The following CDIPT variants were observed in gnomAD, a reference collection of about 807,000 sequenced individuals.
CDIPT encodes CDP-diacylglycerol--inositol 3-phosphatidyltransferase, also known as PI synthase.
In CDIPT, 17 loss-of-function variants were observed where a neutral mutation model predicts 21.6. The observed-to-expected ratio is 0.79, with a 90% CI of 0.54 to 1.18. The LOEUF (loss-of-function observed/expected upper bound fraction) is 1.18. CDIPT is among the 50% of genes most tolerant of loss of function. The pLI, the probability that CDIPT is intolerant of heterozygous loss-of-function variation, is 0.00. For synonymous variants in CDIPT, 119 were observed against 117.9 expected, an observed-to-expected ratio of 1.01 and a Z score of -0.06; for missense variants, 254 against 284.9, an observed-to-expected ratio of 0.89 and a Z score of 0.78.
At chr16:29,861,684 G>A in intron 2 of CDIPT, 1 of 606,724 alleles carries the variant, frequency 1.6e-6, no homozygotes, top group Non-Finnish European at 2.9e-6. Flanking sequence ...CTTATGCAGG[G>A]CACACAGTAG....
chr16:29,860,760 C>T (rs1035616354), intron 3 of CDIPT, 98 bp from the exon 4 acceptor site: 21 of 752,058 alleles, frequency 2.8e-5, no homozygotes, highest in East Asian at 1.9e-4. Context: ...AAACTGGGCA[C>T]GGCTAAGGAC....
chr16:29,860,600 C>T lies in CDIPT; in HGVS notation c.395G>A (p.Arg132Gln), dbSNP rs753162397. ...GCTTACCCTCGAGGTGTAGTAGATC[C>T]GAAGCACCGGATTCCCGGACAAGTC... The part of the protein sequence containing the change: ...MIDLSGNPVL[R>Q]IYYTSRPALF... Residue 132 changes from arginine (R) to glutamine (Q), a missense_variant, in exon 4 of 6, where the codon CGG (arginine) becomes CAG (glutamine). Physicochemically the swap from Arg to Gln is conservative, Grantham distance 43. Coordinates refer to ENST00000219789, the MANE Select transcript of CDIPT (RefSeq NM_006319.5). 8.1e-6 allele frequency: 13 copies of T among 1,611,404 alleles called. No individual in the cohort carries two copies. In the South Asian group the frequency reaches 9.9e-5, roughly 12 times the overall value.
rs1237952810 is a variant in CDIPT at position 29,858,401 on chromosome 16, TTCAAGTTGG to T, written c.*779_*787del. 1 of 151,944 alleles carries T rather than the reference TTCAAGTTGG, an allele frequency of 6.6e-6. No homozygotes were observed. Among genetic ancestry groups the T allele is most frequent in the African/African-American group, 2.4e-5 (1 of 41,328 alleles). 9.4% of individuals were successfully genotyped at this position (151,944 alleles called of 1,614,324 possible). On this transcript the variant is annotated 3_prime_UTR_variant, in exon 6 of 6. Coordinates refer to ENST00000219789, the MANE Select transcript of CDIPT (RefSeq NM_006319.5). ...TATTAAGCAGCTACTATATGCCAGG[TTCAAGTTGG>T]TCTTACTCTAGGGATAGAGAAGAGA...
rs779808293 is a variant in CDIPT at position 29,861,273 on chromosome 16, T to C, written c.179-14A>G. 5 of 1,613,836 alleles carry C rather than the reference T, an allele frequency of 3.1e-6. No individual in the cohort carries two copies. Among genetic ancestry groups the C allele is most frequent in the East Asian group, 2.2e-5 (1 of 44,880 alleles). Reference sequence around the variant, plus strand: ...CAAACCGGGTTCCTGGAAGATTAGGTGGGCAAGGGCTGTTATGGCACAGTG... The same window carrying C: ...CAAACCGGGTTCCTGGAAGATTAGGCGGGCAAGGGCTGTTATGGCACAGTG... On this transcript the variant is annotated splice_polypyrimidine_tract_variant and intron_variant, in intron 2 of 5. Coordinates refer to ENST00000219789, the MANE Select transcript of CDIPT (RefSeq NM_006319.5).
chr16:29,859,717 C>G lies in CDIPT; in HGVS notation c.415-194G>C, dbSNP rs2067664456. Among the ~76,000 whole-genome samples, 1 of 152,102 alleles carries G rather than the reference C, an allele frequency of 6.6e-6. No homozygotes were observed. On this transcript the variant is annotated intron_variant, in intron 4 of 5. Coordinates refer to ENST00000219789, the MANE Select transcript of CDIPT (RefSeq NM_006319.5). The surrounding 1 kb of genome is among the most constrained non-coding windows in gnomAD (Gnocchi z 4.5). ...TCATAGCACTGCAGCCTCAAAACTC[C>G]TGGTCTCAGCCAGGCGTGTGGCTCA... is the stretch of plus-strand genomic sequence containing the variant.
In CDIPT at chr16:29,858,385, G is replaced by C. The variant is rs913429314; in HGVS notation, c.*804C>G. The C allele has an allele frequency of 2.6e-5, 4 of 152,070 alleles. No homozygotes were observed. Among genetic ancestry groups the C allele is most frequent in the Non-Finnish European group, 4.4e-5 (3 of 68,010 alleles). 9.4% of individuals were successfully genotyped at this position (152,070 alleles called of 1,614,324 possible). A position where few individuals can be genotyped will look rare whatever the true frequency, so the allele number is the denominator to read the frequency against. ...TTGACAGACGAGTATTTATTAAGCAGCTACTATATGCCAGGTTCAAGTTGG... is the reference window on the plus strand; with the variant it reads ...TTGACAGACGAGTATTTATTAAGCACCTACTATATGCCAGGTTCAAGTTGG... On this transcript the variant is annotated 3_prime_UTR_variant, in exon 6 of 6. Transcript: ENST00000219789.
rs2067650856 is a variant in CDIPT, at chr16:29,858,560, T to C, written c.*629A>G. On this transcript the variant is annotated 3_prime_UTR_variant, in exon 6 of 6. Coordinates refer to ENST00000219789, the MANE Select transcript of CDIPT (RefSeq NM_006319.5). ...GGGCGGTGGGGACACCACATGAGCATGGGTGGCAGGAGGGCCTCTCTGTGA... is the reference window on the plus strand; with the variant it reads ...GGGCGGTGGGGACACCACATGAGCACGGGTGGCAGGAGGGCCTCTCTGTGA... 6.5e-6 allele frequency: 1 copy of C among 153,610 alleles called. No individual in the cohort carries two copies. Among genetic ancestry groups the C allele is most frequent in the African/African-American group, 2.4e-5 (1 of 41,416 alleles). 9.5% of individuals were successfully genotyped at this position (153,610 alleles called of 1,614,324 possible).
At chr16:29,860,543 C>G (rs778955484) in intron 4 of CDIPT, 38 bp downstream of exon 4, 3 of 1,392,392 alleles carry the variant, frequency 2.2e-6, no homozygotes, top group Non-Finnish European at 2.0e-6. Flanking sequence ...TTCCCACAGC[C>G]AAGAGCCTGA....
intron 2 of CDIPT, chr16:29,861,700 C>T (rs1567402734): frequency 1.7e-6 from 1 of 594,374 alleles, no homozygotes; most frequent in African/African-American, 1.9e-5. Flanking sequence ...AGTAGGCCTC[C>T]AGTAAACACC....
chr16:29,859,401 G>T lies in CDIPT; in HGVS notation c.496+41C>A, dbSNP rs1178116507. 1.3e-6 allele frequency: 2 copies of T among 1,597,732 alleles called. No individual in the cohort carries two copies. Among genetic ancestry groups the T allele is most frequent in the South Asian group, 2.2e-5 (2 of 89,454 alleles). ...GGCCTCCATCTCCCTGGGCAGGCCA[G>T]ATCCCCCTCCCATCCTCCTGCCCAG... On this transcript the variant is annotated intron_variant, in intron 5 of 5. Transcript: ENST00000219789. The surrounding 1 kb of genome is among the most constrained non-coding windows in gnomAD (Gnocchi z 4.5).
rs770031505 is a variant in CDIPT, at chr16:29,859,362, G to A, written c.497-28C>T. 6.1e-5 allele frequency: 96 copies of A among 1,572,276 alleles called. No individual in the cohort carries two copies. Among genetic ancestry groups the A allele is most frequent in the Non-Finnish European group, 7.6e-5 (88 of 1,158,104 alleles). On this transcript the variant is annotated intron_variant, in intron 5 of 5. Coordinates refer to ENST00000219789, the MANE Select transcript of CDIPT (RefSeq NM_006319.5). The surrounding 1 kb of genome is among the most constrained non-coding windows in gnomAD (Gnocchi z 4.5). The stretch of plus-strand genomic sequence containing the variant: ...GCAGGAAGGCAGCAGGGGAGTTTGG[G>A]GCCCGAAGGAGGGGGCCTCCATCTC...
chr16:29,859,121 G>A lies in CDIPT; in HGVS notation c.*68C>T. The A allele has an allele frequency of 6.6e-7, 1 of 1,510,618 alleles. No homozygotes were observed. Among genetic ancestry groups the A allele is most frequent in the African/African-American group, 1.4e-5 (1 of 73,240 alleles). The allele number at this position is 1,510,618 out of a possible 1,614,324, so 93.6% of individuals were successfully genotyped here. A position where few individuals can be genotyped will look rare whatever the true frequency, so the allele number is the denominator to read the frequency against. On this transcript the variant is annotated 3_prime_UTR_variant, in exon 6 of 6. Coordinates refer to ENST00000219789, the MANE Select transcript of CDIPT (RefSeq NM_006319.5). The surrounding 1 kb of genome is among the most constrained non-coding windows in gnomAD (Gnocchi z 4.5). ...GTGAGACTGGGACCTCCTAGCAGGG[G>A]GTGGGGAGCTGTGTGGCACAGCAAG...
rs1196636723 is a variant in CDIPT, at chr16:29,863,066, G to A, written c.-209C>T. ...GGTGCGCGGGACGCAGGGGGCGCGC[G>A]CAGTCCGCCCTTCCTACCCGCAACC... On this transcript the variant is annotated 5_prime_UTR_variant, in exon 1 of 6. Coordinates refer to ENST00000219789, the MANE Select transcript of CDIPT (RefSeq NM_006319.5). 8.2e-6 allele frequency: 5 copies of A among 613,204 alleles called. No homozygotes were observed. The highest frequency in any genetic ancestry group is 1.1e-5 in the Non-Finnish European group (4 of 352,322). 38.0% of individuals were successfully genotyped at this position (613,204 alleles called of 1,614,324 possible). A position where few individuals can be genotyped will look rare whatever the true frequency, so the allele number is the denominator to read the frequency against.
At position 29,860,616 on chromosome 16, in the gene CDIPT, C is replaced by T. The variant is rs750555293; in HGVS notation, c.379G>A (p.Gly127Arg). The change falls in exon 4 of 6, where the codon GGG becomes AGG. Residue 127 changes from glycine (G) to arginine (R), a missense_variant. Physicochemically the swap from Gly to Arg is moderately radical, Grantham distance 125. Transcript: ENST00000219789. ...TAGTAGATCCGAAGCACCGGATTCC[C>T]GGACAAGTCGATCATCTTGTGACTC... ...SESHKMIDLSGNPVLRIYYTS... is the reference protein window; with the variant it reads ...SESHKMIDLSRNPVLRIYYTS... 12 of 1,612,910 alleles carry T rather than the reference C, an allele frequency of 7.4e-6. No homozygotes were observed. Among genetic ancestry groups the T allele is most frequent in the Non-Finnish European group, 8.5e-6 (10 of 1,179,214 alleles).
chr16:29,861,644 C>A, intron 2 of CDIPT: 1 of 719,386 alleles, frequency 1.4e-6, no homozygotes, highest in Admixed American at 2.8e-5. Context: ...TCCATCCTCC[C>A]TCTAAGCATG....
rs1164328686 is a variant in CDIPT at position 29,859,574 on chromosome 16, C to A, written c.415-51G>T. The A allele has an allele frequency of 2.5e-6, 3 of 1,196,970 alleles. No individual in the cohort carries two copies. The highest frequency in any genetic ancestry group is 1.5e-5 in the African/African-American group (1 of 66,934). The allele number at this position is 1,196,970 out of a possible 1,614,324, so 74.1% of individuals were successfully genotyped here. Reference sequence around the variant, plus strand: ...TTAGCAAGAGGCAGGCGTGTGCCACCCCCTGCCCCCCCAGCACTAATGAAG... The same window carrying A: ...TTAGCAAGAGGCAGGCGTGTGCCACACCCTGCCCCCCCAGCACTAATGAAG... On this transcript the variant is annotated intron_variant, in intron 4 of 5. Coordinates refer to ENST00000219789, the MANE Select transcript of CDIPT (RefSeq NM_006319.5). This position sits in a 1 kb window ranked among gnomAD's most constrained non-coding sequence, Gnocchi z 4.5.
rs2067687441 is a variant in CDIPT at position 29,862,011 on chromosome 16, G to T, written c.178+575C>A. On this transcript the variant is annotated intron_variant, in intron 2 of 5. Transcript: ENST00000219789. The surrounding 1 kb of genome is among the most constrained non-coding windows in gnomAD (Gnocchi z 6.7). ...CTCCCAAAGTGCTGGGATTACAGGC[G>T]TGAGCCACCGCCCCTGGCCTGAATG... 6.6e-6 allele frequency among the ~76,000 whole-genome samples: 1 copy of T among 152,176 alleles called. No homozygotes were observed. The highest frequency in any genetic ancestry group is 1.5e-5 in the Non-Finnish European group (1 of 68,032).
At chr16:29,861,077 T>C (rs769085347) in intron 3 of CDIPT, 29 bp downstream of exon 3, 5 of 1,613,096 alleles carry the variant, frequency 3.1e-6, no homozygotes, top group Non-Finnish European at 4.2e-6. Context: ...TGTCTCCAAG[T>C]GGCCCAGGCC....
In CDIPT at chr16:29,859,247, A is replaced by T; in HGVS notation, c.584T>A (p.Ile195Asn). The T allele has an allele frequency of 3.8e-6, 6 of 1,594,834 alleles. No homozygotes were observed. The highest frequency in any genetic ancestry group is 5.1e-6 in the Non-Finnish European group (6 of 1,171,452). The change falls in exon 6 of 6, where the codon ATC becomes AAC. Residue 195 changes from isoleucine (I) to asparagine (N), a missense_variant. Transcript: ENST00000219789. This position sits in a 1 kb window ranked among gnomAD's most constrained non-coding sequence, Gnocchi z 4.5. Reference sequence around the variant, plus strand: ...GGCAGCCATGTTGCGGGCGGCCGTGATCAGGTGGATGACGCTGATGAGCGA... The same window carrying T: ...GGCAGCCATGTTGCGGGCGGCCGTGTTCAGGTGGATGACGCTGATGAGCGA... The part of the protein sequence containing the change: ...LKSLISVIHL[I>N]TAARNMAALD...
Sources: gnomAD v4.1 joint callset for allele counts (sites outside exome capture counted in the v4.1 genomes callset) on GRCh38, gnomAD v4.1.1 for gene constraint, Gnocchi (gnomAD v3.1) non-coding constraint, MANE v1.5 for transcripts, NCBI Gene and HGNC (gene_info 2026-07-23, HGNC 2026-07-21) for gene names.